KCNK2: variants seen among roughly 807,000 people sequenced by gnomAD.
KCNK2 encodes the protein potassium channel subfamily K member 2.
Under a neutral mutation model 40.5 loss-of-function variants are expected in KCNK2, and 21 were observed. The observed-to-expected ratio is 0.52, with a 90% CI of 0.37 to 0.75. The LOEUF is 0.75. Among genes scored for constraint, KCNK2 ranks in the 30% least tolerant of loss-of-function variants. KCNK2 has a pLI of 0.00. For missense variants in KCNK2, 399 were observed against 531.6 expected (o/e 0.75, Z 2.45); for synonymous variants, 191 against 202.2 (o/e 0.94, Z 0.47).
chr1:215,071,134 G>T (rs1288978878), intron 1 of KCNK2, among the ~76,000 whole-genome samples: 1 of 152,050 alleles, frequency 6.6e-6, no homozygotes, highest in Non-Finnish European at 1.5e-5. Flanking sequence ...TTCCATGCTG[G>T]TTCCAATTGT....
At chr1:215,020,817 A>G (rs1371116300) in intron 1 of KCNK2, among the ~76,000 whole-genome samples, 1 of 152,178 alleles carries the variant, frequency 6.6e-6, no homozygotes, top group Non-Finnish European at 1.5e-5. Context: ...TTTGCTTTAT[A>G]CTTTATGCTA....
intron 6 of KCNK2, among the ~76,000 whole-genome samples, chr1:215,214,840 A>T (rs1217616539): frequency 6.6e-6 from 1 of 152,142 alleles, no homozygotes. Flanking sequence ...AAAATAAAAA[A>T]TTGAAAAACC....
chr1:215,150,318 C>G (rs187593530), intron 3 of KCNK2, among the ~76,000 whole-genome samples: 4 of 152,208 alleles, frequency 2.6e-5, no homozygotes, highest in African/African-American at 7.2e-5. Context: ...TATTTGTATT[C>G]TATTTGTTAT....
chr1:215,188,334 T>C (rs1240500700), intron 5 of KCNK2, among the ~76,000 whole-genome samples: 2 of 152,192 alleles, frequency 1.3e-5, no homozygotes, highest in African/African-American at 4.8e-5. Context: ...TTTTTATAGT[T>C]TTTCACAGTG....
Position 215,235,043 on chromosome 1 carries a change from G to T in KCNK2, c.1179G>T (p.Arg393Ser). ...CAGTGAACCACCTGACCAGCGAGAG[G>T]GATGTCTTGCCTCCCTTACTGAAGA... ...TLSVNHLTSE[R>S]DVLPPLLKTE... The change falls in exon 7 of 7, where the codon AGG (arginine) becomes AGT (serine). Residue 393 changes from arginine (R) to serine (S), a missense_variant. This residue lies in a region of KCNK2 where 103 missense variants were observed against 124.3 expected (regional missense o/e 0.83). Coordinates refer to ENST00000444842, the MANE Select transcript of KCNK2 (RefSeq NM_001017425.3). The T allele has an allele frequency of 6.2e-7, 1 of 1,613,932 alleles. No individual in the cohort carries two copies. The highest frequency in any genetic ancestry group is 8.5e-7 in the Non-Finnish European group (1 of 1,179,926).
chr1:215,219,153 T>C (rs1666072912), intron 6 of KCNK2, among the ~76,000 whole-genome samples: 1 of 152,224 alleles, frequency 6.6e-6, no homozygotes, highest in African/African-American at 2.4e-5. Flanking sequence ...AGTACATCTT[T>C]GATTTTACCA....
chr1:215,177,402 T>G (rs975854894), intron 5 of KCNK2, among the ~76,000 whole-genome samples: 5 of 152,140 alleles, frequency 3.3e-5, no homozygotes, highest in African/African-American at 1.2e-4. Flanking sequence ...AAATTGCTTT[T>G]GAGGACATAG....
intron 3 of KCNK2, among the ~76,000 whole-genome samples, chr1:215,159,997 T>A (rs1211744159): frequency 2.0e-5 from 3 of 152,136 alleles, no homozygotes; most frequent in African/African-American, 7.2e-5. Context: ...CCTCCATTCT[T>A]CAAAAACATA....
At chr1:215,144,003 C>T (rs1362113492) in intron 3 of KCNK2, among the ~76,000 whole-genome samples, 1 of 152,006 alleles carries the variant, frequency 6.6e-6, no homozygotes, top group South Asian at 2.1e-4. Context: ...GATGTGTCTC[C>T]CAACACTTTG....
At chr1:215,102,172 C>T (rs1161214592) in intron 2 of KCNK2, among the ~76,000 whole-genome samples, 2 of 151,796 alleles carry the variant, frequency 1.3e-5, no homozygotes, top group Non-Finnish European at 2.9e-5. Context: ...CAGAAGAAGG[C>T]ATTGTTATCA....
intron 1 of KCNK2, among the ~76,000 whole-genome samples, chr1:215,054,151 G>A (rs1230820044): frequency 1.3e-5 from 2 of 152,114 alleles, no homozygotes; most frequent in African/African-American, 2.4e-5. Context: ...TATTTCTCTA[G>A]GTATTAATTC....
chr1:215,068,461 G>A (rs1452124461), intron 1 of KCNK2, among the ~76,000 whole-genome samples: 1 of 152,104 alleles, frequency 6.6e-6, no homozygotes, highest in East Asian at 1.9e-4. Flanking sequence ...ATGCACTATT[G>A]GCTCTCAATA....
At chr1:215,217,916 T>C (rs1005266133) in intron 6 of KCNK2, among the ~76,000 whole-genome samples, 2 of 152,150 alleles carry the variant, frequency 1.3e-5, no homozygotes, top group Non-Finnish European at 2.9e-5. Context: ...GAAAGATGAA[T>C]AGGACACAAT....
intron 1 of KCNK2, among the ~76,000 whole-genome samples, chr1:215,024,039 G>T (rs893398331): frequency 1.3e-5 from 2 of 152,162 alleles, no homozygotes; most frequent in African/African-American, 4.8e-5. Flanking sequence ...CAAGGAGTAG[G>T]CAGGAGAAAG....
intron 3 of KCNK2, among the ~76,000 whole-genome samples, chr1:215,162,103 A>G (rs570936486): frequency 4.6e-5 from 7 of 152,236 alleles, no homozygotes; most frequent in Admixed American, 3.3e-4. Context: ...CTGACTTTTT[A>G]ACAATCACCA....
intron 2 of KCNK2, among the ~76,000 whole-genome samples, chr1:215,121,862 G>T (rs1036430821): frequency 2.6e-5 from 4 of 152,002 alleles, no homozygotes; most frequent in Non-Finnish European, 5.9e-5. Flanking sequence ...TAACATATAT[G>T]GGCTTTCTTG....
chr1:215,071,159 T>C (rs1399053888), intron 1 of KCNK2, among the ~76,000 whole-genome samples: 1 of 152,172 alleles, frequency 6.6e-6, no homozygotes, highest in Non-Finnish European at 1.5e-5. Context: ...CCAATGGGTG[T>C]TTTGACACTC....
intron 3 of KCNK2, among the ~76,000 whole-genome samples, chr1:215,164,042 C>G (rs1458866708): frequency 6.6e-6 from 1 of 152,176 alleles, no homozygotes. Flanking sequence ...GTGAATCTGT[C>G]TGGTCCTGGA....
At chr1:215,059,940 G>T (rs1256301657) in intron 1 of KCNK2, among the ~76,000 whole-genome samples, 1 of 152,230 alleles carries the variant, frequency 6.6e-6, no homozygotes, top group Admixed American at 6.5e-5. Context: ...CCAGCAGGGA[G>T]GTGCTGAGGC....
Sources: gnomAD v4.1 joint callset for allele counts (sites outside exome capture counted in the v4.1 genomes callset) on GRCh38, gnomAD v4.1.1 for gene constraint, gnomAD v4.1.1 regional missense constraint, MANE v1.5 for transcripts, NCBI Gene and HGNC (gene_info 2026-07-23, HGNC 2026-07-21) for gene names.